Variants in RPS6KC1 observed in about 807,000 individuals in gnomAD.
RPS6KC1 encodes ribosomal protein S6 kinase C1, also known as inactive ribosomal protein S6 kinase delta-1.
RPS6KC1 carries 54 observed loss-of-function variants against 103.8 expected under a neutral mutation model. That is an observed-to-expected ratio of 0.52 (90% CI 0.42 to 0.65). The LOEUF (loss-of-function observed/expected upper bound fraction) is 0.65, where lower values mean the gene tolerates loss of function less well. RPS6KC1 is among the 30% of genes least tolerant of loss of function. The pLI, the probability that RPS6KC1 is intolerant of heterozygous loss-of-function variation, is 0.00. For synonymous variants in RPS6KC1, 439 were observed against 438.7 expected (o/e 1.00, Z -0.01); for missense variants, 1,151 against 1,253.8 (o/e 0.92, Z 1.24).
chr1:213,213,998 T>A (rs1440155737), intron 8 of RPS6KC1, among the ~76,000 whole-genome samples: 1 of 152,234 alleles, frequency 6.6e-6, no homozygotes, highest in Non-Finnish European at 1.5e-5. Flanking sequence ...GGTACTGGGT[T>A]CATCTCACTG....
At chr1:213,468,524 G>T in the RPS6KC1 span, among the ~76,000 whole-genome samples, 1 of 152,156 alleles carries the variant, frequency 6.6e-6, no homozygotes, top group Non-Finnish European at 1.5e-5. Context: ...GGGTTAAATA[G>T]ATCAGTTTCT....
At chr1:213,271,818 A>G (rs1405193179) in intron 14 of RPS6KC1, among the ~76,000 whole-genome samples, 1 of 151,942 alleles carries the variant, frequency 6.6e-6, no homozygotes, top group Non-Finnish European at 1.5e-5. Flanking sequence ...TAGTTGCACA[A>G]CTCTTTAAAT....
At chr1:213,669,130 A>G in the RPS6KC1 span, among the ~76,000 whole-genome samples, 2,294 of 152,272 alleles carry the variant, frequency 0.015, 57 homozygotes, top group East Asian at 0.11. Flanking sequence ...TTTCCTTTGC[A>G]TTCACAACTT....
At position 213,114,677 on chromosome 1, in the gene RPS6KC1, G is replaced by A. The variant is rs899118539; in HGVS notation, c.379-2640G>A. On this transcript the variant is annotated intron_variant, in intron 4 of 14. Transcript: ENST00000366960. ...CTTCCAGTTTTTGCCCATTCAGTATGATATTGGCTGTGGGTTTGTCATAGA... is the reference window on the plus strand; with the variant it reads ...CTTCCAGTTTTTGCCCATTCAGTATAATATTGGCTGTGGGTTTGTCATAGA... 3.0e-4 allele frequency among the ~76,000 whole-genome samples: 46 copies of A among 152,150 alleles called. 2 individuals carry two copies. Among genetic ancestry groups the A allele is most frequent in the Admixed American group, 1.4e-3 (21 of 15,274 alleles).
chr1:213,805,027 AAGTG>A, the RPS6KC1 span, among the ~76,000 whole-genome samples: 1 of 152,246 alleles, frequency 6.6e-6, no homozygotes, highest in African/African-American at 2.4e-5. Context: ...GTAGTCTACG[AAGTG>A]AGCAATAGCT....
At chr1:213,385,795 T>C in the RPS6KC1 span, among the ~76,000 whole-genome samples, 2 of 152,184 alleles carry the variant, frequency 1.3e-5, no homozygotes, top group Non-Finnish European at 2.9e-5. Context: ...TACAGGGCTC[T>C]GTGTGGTGTG....
chr1:213,467,000 C>T, the RPS6KC1 span, among the ~76,000 whole-genome samples: 1 of 152,028 alleles, frequency 6.6e-6, no homozygotes, highest in Non-Finnish European at 1.5e-5. Context: ...TGGGTCCAAA[C>T]CTATCTACCA....
intron 8 of RPS6KC1, among the ~76,000 whole-genome samples, chr1:213,187,357 G>A (rs1165482201): frequency 6.7e-6 from 1 of 149,160 alleles, no homozygotes; most frequent in African/African-American, 2.5e-5. Flanking sequence ...TGATTCTCGT[G>A]CCTCAGCCTC....
chr1:213,449,880 T>C, the RPS6KC1 span, among the ~76,000 whole-genome samples: 1 of 152,352 alleles, frequency 6.6e-6, no homozygotes, highest in South Asian at 2.1e-4. Context: ...AGATTGCTCT[T>C]CACCTCCTAT....
chr1:213,761,085 G>A, the RPS6KC1 span, among the ~76,000 whole-genome samples: 56 of 151,878 alleles, frequency 3.7e-4, 1 homozygote, highest in Admixed American at 3.7e-3. Context: ...GGTTCCATGA[G>A]CATTTTTTGA....
chr1:213,166,216 G>A (rs1218843182), intron 6 of RPS6KC1, among the ~76,000 whole-genome samples: 2 of 151,290 alleles, frequency 1.3e-5, no homozygotes, highest in Non-Finnish European at 2.9e-5. Context: ...TATTATATTT[G>A]AGCCTAAGGT....
At chr1:213,527,651 C>CTT in the RPS6KC1 span, among the ~76,000 whole-genome samples, 12 of 151,272 alleles carry the variant, frequency 7.9e-5, no homozygotes, top group African/African-American at 1.2e-4. Context: ...TTGATGTGTT[C>CTT]TTTTTTTTTA....
chr1:213,111,137 T>A (rs1320114583), intron 4 of RPS6KC1, among the ~76,000 whole-genome samples: 1 of 152,090 alleles, frequency 6.6e-6, no homozygotes, highest in Non-Finnish European at 1.5e-5. Flanking sequence ...GGTTTCTCGG[T>A]AACCACTCTT....
At chr1:213,292,500 G>T in the RPS6KC1 span, among the ~76,000 whole-genome samples, 1 of 152,182 alleles carries the variant, frequency 6.6e-6, no homozygotes, top group African/African-American at 2.4e-5. Context: ...GGGCCCCGTT[G>T]CTTCAAGGTG....
chr1:213,260,495 G>A (rs1466107586), intron 12 of RPS6KC1, among the ~76,000 whole-genome samples: 1 of 152,122 alleles, frequency 6.6e-6, no homozygotes, highest in Non-Finnish European at 1.5e-5. Context: ...TAAGTTTGGG[G>A]TTCTCCCACA....
chr1:213,054,684 TTC>T (rs1195541432), intron 1 of RPS6KC1, among the ~76,000 whole-genome samples: 1 of 152,246 alleles, frequency 6.6e-6, no homozygotes, highest in Non-Finnish European at 1.5e-5. Context: ...CTTTTTCATC[TTC>T]TTAAATCTCC....
intron 3 of RPS6KC1, among the ~76,000 whole-genome samples, chr1:213,089,495 C>T (rs934435764): frequency 1.5e-4 from 23 of 151,564 alleles, no homozygotes; most frequent in African/African-American, 5.6e-4. Context: ...GAGTTTTGCC[C>T]TTGTCACCCA....
At chr1:213,134,322 T>C (rs1395267077) in intron 6 of RPS6KC1, among the ~76,000 whole-genome samples, 2 of 151,936 alleles carry the variant, frequency 1.3e-5, no homozygotes, top group African/African-American at 4.8e-5. Context: ...CTTTTCTTCC[T>C]CTCTCATTTT....
chr1:213,675,111 T>C, the RPS6KC1 span, among the ~76,000 whole-genome samples: 2 of 152,236 alleles, frequency 1.3e-5, no homozygotes, highest in Non-Finnish European at 2.9e-5. Context: ...TGTTGATAGT[T>C]ACTTTCTTTG....
Sources: gnomAD v4.1 joint callset for allele counts (sites outside exome capture counted in the v4.1 genomes callset) on GRCh38, gnomAD v4.1.1 for gene constraint, MANE v1.5 for transcripts, NCBI Gene and HGNC (gene_info 2026-07-23, HGNC 2026-07-21) for gene names.